The following LRRTM4 variants were observed in gnomAD, a reference collection of about 807,000 sequenced individuals.
LRRTM4 encodes the protein leucine-rich repeat transmembrane neuronal protein 4.
LRRTM4 carries 25 observed loss-of-function variants against 47.6 expected under a neutral mutation model. The ratio of observed to expected loss-of-function variants is 0.53; its 90% CI spans 0.38 to 0.73. The LOEUF (loss-of-function observed/expected upper bound fraction) is 0.73, where lower values mean the gene tolerates loss of function less well. Among genes scored for constraint, LRRTM4 ranks in the 30% least tolerant of loss-of-function variants. The probability of loss-of-function intolerance (pLI) is 0.00; values close to 1 mark genes in which losing one functional copy is unlikely to be tolerated. For synonymous variants in LRRTM4, 311 were observed against 269.5 expected (o/e 1.15, Z -1.51); for missense variants, 638 against 713.4 (o/e 0.89, Z 1.20).
At chr2:77,211,412 A>G (rs1191850526) in intron 3 of LRRTM4, among the ~76,000 whole-genome samples, 1 of 152,136 alleles carries the variant, frequency 6.6e-6, no homozygotes, top group Non-Finnish European at 1.5e-5. Context: ...AGAGAAAACT[A>G]ATAGGAAGCC....
At chr2:77,467,589 C>A (rs1402974939) in intron 3 of LRRTM4, among the ~76,000 whole-genome samples, 1 of 152,124 alleles carries the variant, frequency 6.6e-6, no homozygotes, top group Non-Finnish European at 1.5e-5. Context: ...TGGGAGTAAT[C>A]TTTTAAGCAT....
intron 3 of LRRTM4, among the ~76,000 whole-genome samples, chr2:77,307,359 A>G (rs1465227483): frequency 6.6e-6 from 1 of 151,290 alleles, no homozygotes; most frequent in African/African-American, 2.4e-5. Context: ...CCAATATTTC[A>G]TATTTCAGGA....
At chr2:77,410,259 G>A (rs1435621324) in intron 3 of LRRTM4, among the ~76,000 whole-genome samples, 1 of 152,052 alleles carries the variant, frequency 6.6e-6, no homozygotes. Flanking sequence ...TTTCATGTCA[G>A]GTGTAACTAG....
At chr2:77,434,899 A>G (rs1357574581) in intron 3 of LRRTM4, among the ~76,000 whole-genome samples, 1 of 152,176 alleles carries the variant, frequency 6.6e-6, no homozygotes, top group Non-Finnish European at 1.5e-5. Flanking sequence ...GTGAGTGAAT[A>G]TGTAAACTGT....
chr2:76,949,270 C>A (rs536526129), intron 3 of LRRTM4, among the ~76,000 whole-genome samples: 2 of 151,858 alleles, frequency 1.3e-5, no homozygotes, highest in East Asian at 3.9e-4. Context: ...GAATAGTTAT[C>A]AAGTTTCTGG....
chr2:77,063,267 T>C (rs1679851253), intron 3 of LRRTM4, among the ~76,000 whole-genome samples: 1 of 152,160 alleles, frequency 6.6e-6, no homozygotes, highest in Non-Finnish European at 1.5e-5. Flanking sequence ...CTCCCCTTGT[T>C]CTTTTTATGG....
chr2:77,264,272 G>A (rs1675993317), intron 3 of LRRTM4, among the ~76,000 whole-genome samples: 1 of 151,934 alleles, frequency 6.6e-6, no homozygotes, highest in Non-Finnish European at 1.5e-5. Flanking sequence ...TTCTCATGTG[G>A]CCTTTCCTCA....
chr2:76,941,139 A>T (rs1675128488), intron 3 of LRRTM4, among the ~76,000 whole-genome samples: 1 of 152,194 alleles, frequency 6.6e-6, no homozygotes, highest in Admixed American at 6.5e-5. Flanking sequence ...TATATGTAAA[A>T]TATTATTTCA....
intron 3 of LRRTM4, among the ~76,000 whole-genome samples, chr2:76,833,567 T>C (rs115808165): frequency 0.052 from 6,918 of 134,046 alleles, 516 homozygotes; most frequent in African/African-American, 0.17. Context: ...TATCCACTTA[T>C]AAATTTATAT....
chr2:76,909,220 C>T (rs1276566980), intron 3 of LRRTM4, among the ~76,000 whole-genome samples: 1 of 152,126 alleles, frequency 6.6e-6, no homozygotes, highest in Admixed American at 6.5e-5. Flanking sequence ...CTTTGACAAA[C>T]CTGAGAAAAA....
chr2:77,093,585 C>T (rs1299050995), intron 3 of LRRTM4, among the ~76,000 whole-genome samples: 1 of 151,674 alleles, frequency 6.6e-6, no homozygotes, highest in Non-Finnish European at 1.5e-5. Flanking sequence ...TCTCTCCATA[C>T]CATCCCCCCA....
intron 3 of LRRTM4, among the ~76,000 whole-genome samples, chr2:76,794,381 A>T (rs1335327291): frequency 6.6e-6 from 1 of 152,204 alleles, no homozygotes; most frequent in South Asian, 2.1e-4. Flanking sequence ...TGGGTATACC[A>T]CTACAGTCCC....
chr2:77,208,916 A>G (rs532331257), intron 3 of LRRTM4, among the ~76,000 whole-genome samples: 27 of 152,300 alleles, frequency 1.8e-4, no homozygotes, highest in African/African-American at 6.5e-4. Flanking sequence ...TAGAATTGTA[A>G]AAGATACCAG....
At chr2:77,089,467 C>T (rs1011911381) in intron 3 of LRRTM4, among the ~76,000 whole-genome samples, 3 of 151,670 alleles carry the variant, frequency 2.0e-5, no homozygotes. Context: ...TCCCTTATTT[C>T]CGTGCCCCGA....
chr2:77,264,304 G>A (rs895031794), intron 3 of LRRTM4, among the ~76,000 whole-genome samples: 5 of 152,004 alleles, frequency 3.3e-5, no homozygotes, highest in African/African-American at 9.7e-5. Context: ...CTAAGAAAGC[G>A]AGAGAGAGGG....
chr2:77,012,902 G>A (rs1441309898), intron 3 of LRRTM4, among the ~76,000 whole-genome samples: 1 of 152,088 alleles, frequency 6.6e-6, no homozygotes, highest in African/African-American at 2.4e-5. Context: ...TAACATACCT[G>A]GAAATGGGCA....
At chr2:76,994,547 C>G (rs1677131843) in intron 3 of LRRTM4, among the ~76,000 whole-genome samples, 1 of 151,778 alleles carries the variant, frequency 6.6e-6, no homozygotes, top group Non-Finnish European at 1.5e-5. Flanking sequence ...ACTTCTGCTA[C>G]CATTATTGAG....
At chr2:77,061,190 A>C (rs1341894481) in intron 3 of LRRTM4, among the ~76,000 whole-genome samples, 2 of 152,128 alleles carry the variant, frequency 1.3e-5, no homozygotes, top group Non-Finnish European at 2.9e-5. Flanking sequence ...GTAATGTGAG[A>C]AGCAAATTAG....
At chr2:77,361,845 A>T (rs1672224962) in intron 3 of LRRTM4, among the ~76,000 whole-genome samples, 1 of 152,092 alleles carries the variant, frequency 6.6e-6, no homozygotes. Context: ...CAAATCTGAG[A>T]TTCAGAAAGA....
Sources: allele counts gnomAD v4.1 joint callset (sites outside exome capture counted in the v4.1 genomes callset), GRCh38; gene constraint gnomAD v4.1.1; transcripts MANE v1.5; gene names NCBI Gene and HGNC (gene_info 2026-07-23, HGNC 2026-07-21).